The following IGF1R variants were observed in gnomAD, a reference collection of about 807,000 sequenced individuals.
IGF1R encodes insulin-like growth factor 1 receptor.
Under a neutral mutation model 144.6 loss-of-function variants are expected in IGF1R, and 44 were observed. That is an observed-to-expected ratio of 0.30 (90% CI 0.24 to 0.39). The LOEUF is 0.39. IGF1R is among the 10% of genes least tolerant of loss of function. The probability of loss-of-function intolerance (pLI) is 1.00; values close to 1 mark genes in which losing one functional copy is unlikely to be tolerated. For synonymous variants in IGF1R, 795 were observed against 722.8 expected, an observed-to-expected ratio of 1.10 and a Z score of -1.60; for missense variants, 1,355 against 1,833.7, an observed-to-expected ratio of 0.74 and a Z score of 4.77.
rs746049391 is a variant in IGF1R at position 98,957,190 on chromosome 15, G to T, written c.3852G>T (p.Glu1284Asp). 2.2e-5 allele frequency: 35 copies of T among 1,614,144 alleles called. No individual in the cohort carries two copies. Among genetic ancestry groups the T allele is most frequent in the Non-Finnish European group, 2.9e-5 (34 of 1,180,058 alleles). Residue 1284 changes from glutamate (E) to aspartate (D), a missense_variant, in exon 21 of 21, where the codon GAG becomes GAT. Around this residue, in one of 7 missense-constraint regions of IGF1R, gnomAD observed 219 missense variants for 188.8 expected, o/e 1.16. Coordinates refer to ENST00000650285, the MANE Select transcript of IGF1R (RefSeq NM_000875.5). Reference sequence around the variant, plus strand: ...AGGTCTCCTTCTACTACAGCGAGGAGAACAAGCTGCCCGAGCCGGAGGAGC... The same window carrying T: ...AGGTCTCCTTCTACTACAGCGAGGATAACAAGCTGCCCGAGCCGGAGGAGC... The part of the protein sequence containing the change: ...FREVSFYYSE[E>D]NKLPEPEELD...
chr15:98,930,947 G>A (rs1163796704), intron 15 of IGF1R, among the ~76,000 whole-genome samples: 3 of 152,120 alleles, frequency 2.0e-5, no homozygotes, highest in Non-Finnish European at 2.9e-5. Context: ...TGAGTGAGTC[G>A]GATTAGGGTG....
At chr15:98,946,815 C>T (rs2016572608) in intron 19 of IGF1R, among the ~76,000 whole-genome samples, 1 of 152,204 alleles carries the variant, frequency 6.6e-6, no homozygotes, top group Admixed American at 6.5e-5. Context: ...AAGCCGCTGA[C>T]ACAGCCAGGA....
intron 1 of IGF1R, among the ~76,000 whole-genome samples, chr15:98,691,206 G>A (rs915895695): frequency 1.3e-5 from 2 of 152,002 alleles, no homozygotes; most frequent in African/African-American, 2.4e-5. Flanking sequence ...GCAGAATAGC[G>A]CATCACAGCA....
chr15:98,847,983 C>G (rs1355506280), intron 2 of IGF1R, among the ~76,000 whole-genome samples: 1 of 152,074 alleles, frequency 6.6e-6, no homozygotes, highest in African/African-American at 2.4e-5. Context: ...GGCCCTGGGA[C>G]CATTGCTGGG....
At chr15:98,884,714 T>TA (rs1399599651) in intron 2 of IGF1R, among the ~76,000 whole-genome samples, 4 of 151,156 alleles carry the variant, frequency 2.6e-5, no homozygotes, top group African/African-American at 9.7e-5. Context: ...AGAAATTCTG[T>TA]ACCCTTCCAG....
intron 2 of IGF1R, among the ~76,000 whole-genome samples, chr15:98,841,244 C>T (rs574574907): frequency 3.4e-4 from 52 of 152,320 alleles, no homozygotes; most frequent in Admixed American, 1.2e-3. Context: ...CTCCAACTAA[C>T]TCCATGGAGA....
chr15:98,664,596 T>C (rs1273098137), intron 1 of IGF1R, among the ~76,000 whole-genome samples: 2 of 118,430 alleles, frequency 1.7e-5, no homozygotes, highest in Non-Finnish European at 3.5e-5. Context: ...ACCTGGGAGG[T>C]GGAGGTTGGA....
intron 2 of IGF1R, among the ~76,000 whole-genome samples, chr15:98,827,725 T>C (rs764563887): frequency 2.6e-5 from 4 of 152,062 alleles, no homozygotes; most frequent in Non-Finnish European, 4.4e-5. Context: ...TGGGATTACA[T>C]GCGCACGCCA....
chr15:98,734,277 A>T, intron 2 of IGF1R, among the ~76,000 whole-genome samples: 1 of 152,202 alleles, frequency 6.6e-6, no homozygotes, highest in East Asian at 1.9e-4. Flanking sequence ...GCCATAGGAC[A>T]TGCCAATGTT....
chr15:98,721,107 C>T (rs1254097752), intron 2 of IGF1R, among the ~76,000 whole-genome samples: 2 of 152,176 alleles, frequency 1.3e-5, no homozygotes, highest in South Asian at 2.1e-4. Context: ...CTGGAGCAGA[C>T]GTTACCTACT....
chr15:98,928,425 A>G (rs1425953882), intron 13 of IGF1R, among the ~76,000 whole-genome samples: 1 of 152,146 alleles, frequency 6.6e-6, no homozygotes, highest in African/African-American at 2.4e-5. Context: ...CAGCACAGCC[A>G]TTTCCCTGGA....
In IGF1R at chr15:98,708,779, C is replaced by T. The variant is rs114907580; in HGVS notation, c.640+672C>T. Among the ~76,000 whole-genome samples the T allele has an allele frequency of 6.5e-3, 995 of 152,274 alleles. 13 individuals carry two copies. Among genetic ancestry groups the T allele is most frequent in the African/African-American group, 0.023 (946 of 41,532 alleles). On this transcript the variant is annotated intron_variant, in intron 2 of 20. Transcript: ENST00000650285. ...TGTAGCAGGGTGCATTTTTAAACCT[C>T]TGGGATTCTGTTTTCGTTCTTTTAT...
rs528387703 is a variant in IGF1R at position 98,753,120 on chromosome 15, G to C, written c.640+45013G>C. Reference sequence around the variant, plus strand: ...CTAATTTGTTTGTGTATTTAGTAGAGACAGGGTTTCACCATGTTAGCCAGG... The same window carrying C: ...CTAATTTGTTTGTGTATTTAGTAGACACAGGGTTTCACCATGTTAGCCAGG... On this transcript the variant is annotated intron_variant, in intron 2 of 20. Coordinates refer to ENST00000650285, the MANE Select transcript of IGF1R (RefSeq NM_000875.5). 2.0e-5 allele frequency among the ~76,000 whole-genome samples: 3 copies of C among 151,860 alleles called. No individual in the cohort carries two copies. In the South Asian group the frequency reaches 6.3e-4, roughly 32 times the overall value.
At chr15:98,889,161 G>T (rs2013786692) in intron 2 of IGF1R, among the ~76,000 whole-genome samples, 1 of 152,214 alleles carries the variant, frequency 6.6e-6, no homozygotes, top group Non-Finnish European at 1.5e-5. Context: ...TACTGAAAAT[G>T]ACAAGAAGAA....
At chr15:98,692,736 G>A (rs2053506552) in intron 1 of IGF1R, among the ~76,000 whole-genome samples, 2 of 152,200 alleles carry the variant, frequency 1.3e-5, no homozygotes, top group South Asian at 4.1e-4. Flanking sequence ...CTGAGATAAT[G>A]TCCTTGGTCA....
rs757607369 is a variant in IGF1R, at chr15:98,755,409, T to C, written c.640+47302T>C. ...AACAGGATTACAGTAAATTGACTCGTGTATGTGTATACATCCATCTTTGCT... is the reference window on the plus strand; with the variant it reads ...AACAGGATTACAGTAAATTGACTCGCGTATGTGTATACATCCATCTTTGCT... On this transcript the variant is annotated intron_variant, in intron 2 of 20. Coordinates refer to ENST00000650285, the MANE Select transcript of IGF1R (RefSeq NM_000875.5). Among the ~76,000 whole-genome samples the C allele has an allele frequency of 7.8e-4, 118 of 152,128 alleles. 1 individual carries two copies. Among genetic ancestry groups the C allele is most frequent in the Admixed American group, 3.1e-3 (47 of 15,282 alleles).
At chr15:98,886,009 G>A (rs551538622) in intron 2 of IGF1R, among the ~76,000 whole-genome samples, 2 of 152,124 alleles carry the variant, frequency 1.3e-5, no homozygotes, top group South Asian at 2.1e-4. Context: ...TAAGAGATGG[G>A]GTTTCGCCAT....
At chr15:98,952,896 C>T (rs1233381598) in intron 20 of IGF1R, 1 of 152,134 alleles carries the variant, frequency 6.6e-6, no homozygotes, top group Non-Finnish European at 1.5e-5. Flanking sequence ...ATTTTTCTCC[C>T]TTCCAAGAAA....
chr15:98,753,692 T>G (rs1399807818), intron 2 of IGF1R, among the ~76,000 whole-genome samples: 1 of 152,156 alleles, frequency 6.6e-6, no homozygotes, highest in Non-Finnish European at 1.5e-5. Context: ...GAGGAGATGG[T>G]GAAGAATTCT....
Sources: gnomAD v4.1 joint callset for allele counts (sites outside exome capture counted in the v4.1 genomes callset) on GRCh38, gnomAD v4.1.1 for gene constraint, gnomAD v4.1.1 regional missense constraint, MANE v1.5 for transcripts, NCBI Gene and HGNC (gene_info 2026-07-23, HGNC 2026-07-21) for gene names.